C2orf80: variants seen among roughly 807,000 people sequenced by gnomAD.
C2orf80 encodes the protein chromosome 2 open reading frame 80.
C2orf80 carries 28 observed loss-of-function variants against 30.2 expected under a neutral mutation model. The observed-to-expected ratio is 0.93, with a 90% CI of 0.69 to 1.27. The LOEUF (loss-of-function observed/expected upper bound fraction) is 1.27, where lower values mean the gene tolerates loss of function less well. C2orf80 is among the 50% of genes most tolerant of loss of function. The pLI is 0.00. For synonymous variants in C2orf80, 80 were observed against 76.4 expected, an observed-to-expected ratio of 1.05 and a Z score of -0.24; for missense variants, 220 against 231.0, an observed-to-expected ratio of 0.95 and a Z score of 0.31.
chr2:208,168,820 G>A lies in C2orf80; in HGVS notation c.573+2125C>T, dbSNP rs866673295. On this transcript the variant is annotated intron_variant, in intron 8 of 8. Coordinates refer to ENST00000341287, the MANE Select transcript of C2orf80 (RefSeq NM_001099334.3). ...GACCTGGGGCCCTACTAAAACATGGGCATTTGTTCTTTCGACACTCCTGGG... is the reference window on the plus strand; with the variant it reads ...GACCTGGGGCCCTACTAAAACATGGACATTTGTTCTTTCGACACTCCTGGG... Among the ~76,000 whole-genome samples, 6 of 127,250 alleles carry A rather than the reference G, an allele frequency of 4.7e-5. No homozygotes were observed. The South Asian group carries it at 1.3e-3, about 27-fold the overall frequency. The allele number at this position is 127,250 out of a possible 152,430, so 83.5% of individuals were successfully genotyped here.
At chr2:208,181,509 G>A (rs1696559062) in intron 4 of C2orf80, among the ~76,000 whole-genome samples, 1 of 152,052 alleles carries the variant, frequency 6.6e-6, no homozygotes, top group African/African-American at 2.4e-5. Flanking sequence ...GATGAATTTG[G>A]CCTCATCTAT....
At chr2:208,188,084 CCG>C (rs1491465886) in intron 1 of C2orf80, among the ~76,000 whole-genome samples, 4 of 93,940 alleles carry the variant, frequency 4.3e-5, no homozygotes, top group Non-Finnish European at 8.4e-5. Context: ...CTATACTGCA[CCG>C]TGTGTGTGTG....
At chr2:208,168,880 G>T (rs1165748460) in intron 8 of C2orf80, among the ~76,000 whole-genome samples, 2 of 150,786 alleles carry the variant, frequency 1.3e-5, no homozygotes, top group African/African-American at 4.9e-5. Context: ...GAAAGGTCTG[G>T]TCCCCAGAAC....
chr2:208,188,518 T>C (rs551772631), intron 1 of C2orf80, among the ~76,000 whole-genome samples: 63 of 152,120 alleles, frequency 4.1e-4, no homozygotes, highest in African/African-American at 1.4e-3. Context: ...CAATTTCGGT[T>C]CACTGCAACC....
intron 2 of C2orf80, 91 bp downstream of exon 2, chr2:208,186,855 T>C: frequency 8.9e-7 from 1 of 1,122,282 alleles, no homozygotes; most frequent in Admixed American, 1.7e-5. Context: ...TTCTTAGATT[T>C]TTACCCACTG....
intron 2 of C2orf80, among the ~76,000 whole-genome samples, chr2:208,185,535 G>C (rs537945434): frequency 6.6e-6 from 1 of 152,278 alleles, no homozygotes; most frequent in African/African-American, 2.4e-5. Flanking sequence ...TTCCACTTTA[G>C]TTTATCCTTA....
intron 1 of C2orf80, among the ~76,000 whole-genome samples, chr2:208,187,354 C>T (rs925269345): frequency 3.9e-5 from 6 of 152,120 alleles, no homozygotes; most frequent in Admixed American, 1.3e-4. Context: ...TGAGACTATT[C>T]GGGCAGAACC....
chr2:208,172,973 A>C (rs1696150504), intron 6 of C2orf80, among the ~76,000 whole-genome samples: 1 of 151,912 alleles, frequency 6.6e-6, no homozygotes, highest in African/African-American at 2.4e-5. Flanking sequence ...AAAAAAATTA[A>C]GCGAGTGTGG....
rs1035379362 is a variant in C2orf80, at chr2:208,183,994, T to C, written c.124-947A>G. 9.2e-5 allele frequency among the ~76,000 whole-genome samples: 14 copies of C among 152,220 alleles called. 1 individual carries two copies. Among genetic ancestry groups the C allele is most frequent in the Admixed American group, 6.5e-4 (10 of 15,284 alleles). ...ATTTTTGTAGAGGCGTTCTGAAGTTTTAACATTTTTAAACGGTGGAATTAT... is the reference window on the plus strand; with the variant it reads ...ATTTTTGTAGAGGCGTTCTGAAGTTCTAACATTTTTAAACGGTGGAATTAT... On this transcript the variant is annotated intron_variant, in intron 3 of 8. Transcript: ENST00000341287.
In C2orf80 at chr2:208,171,985, TACTC is replaced by T. The variant is rs1223038524; in HGVS notation, c.453_454+2del. ...CTAAGCAGGTGAAAGTAACCAGGCT[TACTC>T]TGTTTGCGGGCGTATGCTGCTGCTT... On this transcript the variant is annotated splice_donor_variant and coding_sequence_variant, in exon 7 of 9. Coordinates refer to ENST00000341287, the MANE Select transcript of C2orf80 (RefSeq NM_001099334.3). LOFTEE classifies it high-confidence loss of function. 2.5e-6 allele frequency: 4 copies of T among 1,611,816 alleles called. No individual in the cohort carries two copies. Among genetic ancestry groups the T allele is most frequent in the Non-Finnish European group, 3.4e-6 (4 of 1,177,986 alleles).
At chr2:208,167,697 C>T (rs1695944843) in intron 8 of C2orf80, among the ~76,000 whole-genome samples, 1 of 151,844 alleles carries the variant, frequency 6.6e-6, no homozygotes, top group South Asian at 2.1e-4. Flanking sequence ...ATGCCTCAGT[C>T]TCCCTAGTAG....
At chr2:208,177,586 A>C (rs1696402523) in intron 6 of C2orf80, among the ~76,000 whole-genome samples, 1 of 151,868 alleles carries the variant, frequency 6.6e-6, no homozygotes. Flanking sequence ...CACAAAACAA[A>C]TACAAGCCTT....
At chr2:208,185,275 A>G (rs1014216448) in intron 2 of C2orf80, among the ~76,000 whole-genome samples, 3 of 152,216 alleles carry the variant, frequency 2.0e-5, no homozygotes, top group African/African-American at 7.2e-5. Flanking sequence ...CAATTGGAAC[A>G]GAATTTACAG....
intron 1 of C2orf80, among the ~76,000 whole-genome samples, chr2:208,188,346 A>C (rs879479717): frequency 6.6e-6 from 1 of 152,136 alleles, no homozygotes; most frequent in Non-Finnish European, 1.5e-5. Context: ...CCATATAAAC[A>C]CTAAGCTTCA....
At chr2:208,180,848 G>A (rs1291236665) in intron 5 of C2orf80, 32 bp from the exon 6 acceptor site, 2 of 1,568,406 alleles carry the variant, frequency 1.3e-6, no homozygotes, top group Admixed American at 3.4e-5. Flanking sequence ...AACAAAGTAT[G>A]ATCATACCAT....
intron 8 of C2orf80, among the ~76,000 whole-genome samples, chr2:208,170,387 C>T (rs941837697): frequency 2.6e-4 from 39 of 152,300 alleles, no homozygotes; most frequent in African/African-American, 7.0e-4. Context: ...CTTTCCAACC[C>T]TGTCCATCTC....
chr2:208,166,687 G>T (rs1364692575), intron 8 of C2orf80, among the ~76,000 whole-genome samples: 12 of 151,468 alleles, frequency 7.9e-5, no homozygotes, highest in Admixed American at 7.9e-4. Flanking sequence ...GTCTCACTCT[G>T]TCACCCAGGC....
chr2:208,166,947 G>T (rs551870974), intron 8 of C2orf80, among the ~76,000 whole-genome samples: 30 of 152,074 alleles, frequency 2.0e-4, no homozygotes, highest in African/African-American at 6.0e-4. Flanking sequence ...ACCATGCCTG[G>T]CCTGTCCTGA....
chr2:208,170,399 G>A (rs554608645), intron 8 of C2orf80, among the ~76,000 whole-genome samples: 44 of 152,216 alleles, frequency 2.9e-4, no homozygotes, highest in African/African-American at 9.9e-4. Context: ...GTCCATCTCC[G>A]ACCATTCTCT....
Sources: gnomAD v4.1 joint callset for allele counts (sites outside exome capture counted in the v4.1 genomes callset) on GRCh38, gnomAD v4.1.1 for gene constraint, MANE v1.5 for transcripts, NCBI Gene and HGNC (gene_info 2026-07-23, HGNC 2026-07-21) for gene names.